GABRB2: variants seen among roughly 807,000 people sequenced by gnomAD.
The protein encoded by GABRB2 is gamma-aminobutyric acid receptor subunit beta-2.
GABRB2 carries 16 observed loss-of-function variants against 54.7 expected under a neutral mutation model. The observed-to-expected ratio is 0.29, with a 90% CI of 0.20 to 0.44. GABRB2 has a LOEUF of 0.44. Among genes scored for constraint, GABRB2 ranks in the 20% least tolerant of loss-of-function variants. The pLI is 1.00. For missense variants in GABRB2, 355 were observed against 644.0 expected (o/e 0.55, Z 4.86); for synonymous variants, 244 against 233.8 (o/e 1.04, Z -0.40).
chr5:161,468,566 A>G (rs1034269684), intron 3 of GABRB2, among the ~76,000 whole-genome samples: 1 of 151,928 alleles, frequency 6.6e-6, no homozygotes, highest in African/African-American at 2.4e-5. Flanking sequence ...CCTCATTTTT[A>G]TAATGTTCAC....
intron 5 of GABRB2, among the ~76,000 whole-genome samples, chr5:161,397,834 G>A (rs1756051456): frequency 6.6e-6 from 1 of 152,160 alleles, no homozygotes; most frequent in Non-Finnish European, 1.5e-5. Flanking sequence ...CATGACACCT[G>A]AGGATAGACT....
intron 3 of GABRB2, among the ~76,000 whole-genome samples, chr5:161,501,519 T>C (rs991934846): frequency 6.6e-6 from 1 of 152,226 alleles, no homozygotes; most frequent in Non-Finnish European, 1.5e-5. Flanking sequence ...GCTTTCATTT[T>C]TCAATGTTAT....
intron 3 of GABRB2, among the ~76,000 whole-genome samples, chr5:161,525,099 T>C (rs1444913033): frequency 6.6e-6 from 1 of 151,316 alleles, no homozygotes; most frequent in African/African-American, 2.4e-5. Context: ...TAGTCTCTCT[T>C]CTAGCTACTC....
chr5:161,420,430 TG>T (rs1756816758), intron 4 of GABRB2, among the ~76,000 whole-genome samples: 1 of 152,206 alleles, frequency 6.6e-6, no homozygotes, highest in Non-Finnish European at 1.5e-5. Flanking sequence ...ACCACCAAGT[TG>T]TGTATCCCTA....
In GABRB2 at chr5:161,402,958, A is replaced by T. The variant is rs560908838; in HGVS notation, c.541+8017T>A. The stretch of plus-strand genomic sequence containing the variant: ...TGTGGCCTGATCATTTGAATTTTTT[A>T]AAAAATCCCCAGCGATTTTATAATA... On this transcript the variant is annotated intron_variant, in intron 5 of 9. Transcript: ENST00000393959. 5.5e-5 allele frequency among the ~76,000 whole-genome samples: 8 copies of T among 144,176 alleles called. No homozygotes were observed. In the East Asian group the frequency reaches 1.7e-3, roughly 31 times the overall value. 94.6% of individuals were successfully genotyped at this position (144,176 alleles called of 152,430 possible). A position where few individuals can be genotyped will look rare whatever the true frequency, so the allele number is the denominator to read the frequency against.
rs754147365 is a variant in GABRB2 at position 161,545,345 on chromosome 5, T to C, written c.170-51A>G. The C allele has an allele frequency of 7.7e-6, 11 of 1,426,790 alleles. No individual in the cohort carries two copies. The Admixed American group carries it at 1.6e-4, about 21-fold the overall frequency. The allele number at this position is 1,426,790 out of a possible 1,614,324, so 88.4% of individuals were successfully genotyped here. On this transcript the variant is annotated intron_variant, in intron 2 of 9. Transcript: ENST00000393959. ...TGATTTCTTTGAACTTCATTCATTC[T>C]CAGCAAGAGTTATCCCTGAGCATAA...
chr5:161,449,626 T>C (rs1326917581), intron 4 of GABRB2, among the ~76,000 whole-genome samples: 1 of 152,182 alleles, frequency 6.6e-6, no homozygotes, highest in African/African-American at 2.4e-5. Flanking sequence ...CTTGAAACAA[T>C]GGAAGTCTCT....
At chr5:161,346,868 T>C (rs1042988354) in intron 5 of GABRB2, among the ~76,000 whole-genome samples, 1 of 152,114 alleles carries the variant, frequency 6.6e-6, no homozygotes, top group African/African-American at 2.4e-5. Flanking sequence ...CAGAGATCAT[T>C]CATTCTTTAA....
At chr5:161,481,939 A>G (rs758245150) in intron 3 of GABRB2, among the ~76,000 whole-genome samples, 3 of 152,010 alleles carry the variant, frequency 2.0e-5, no homozygotes, top group African/African-American at 4.8e-5. Context: ...ATACTTAGAA[A>G]CGGGAGGCCT....
At chr5:161,497,530 A>ATGTGTG (rs71587162) in intron 3 of GABRB2, among the ~76,000 whole-genome samples, 41,974 of 147,190 alleles carry the variant, frequency 0.29, 6,644 homozygotes, top group Admixed American at 0.45. Context: ...GTGTGTGTAT[A>ATGTGTG]TGTGTGTGTG....
chr5:161,496,691 T>A (rs1759259523), intron 3 of GABRB2, among the ~76,000 whole-genome samples: 1 of 152,100 alleles, frequency 6.6e-6, no homozygotes, highest in Non-Finnish European at 1.5e-5. Context: ...TTAAAACGTA[T>A]CTTAGGTATA....
intron 4 of GABRB2, among the ~76,000 whole-genome samples, chr5:161,423,780 C>T (rs1004988733): frequency 2.0e-5 from 3 of 152,066 alleles, no homozygotes; most frequent in Non-Finnish European, 4.4e-5. Flanking sequence ...AATGATTACT[C>T]TTAGTAAGAA....
intron 9 of GABRB2, among the ~76,000 whole-genome samples, chr5:161,310,981 C>T (rs754452520): frequency 7.9e-5 from 12 of 152,044 alleles, no homozygotes; most frequent in South Asian, 2.1e-4. Context: ...AAGATGGTCT[C>T]GATCTCCTCA....
intron 5 of GABRB2, among the ~76,000 whole-genome samples, chr5:161,383,152 C>T (rs1276502952): frequency 6.6e-6 from 1 of 152,130 alleles, no homozygotes; most frequent in Non-Finnish European, 1.5e-5. Flanking sequence ...TAATAATTAT[C>T]ATAATCAAAT....
At chr5:161,357,547 G>T (rs959461375) in intron 5 of GABRB2, among the ~76,000 whole-genome samples, 1 of 151,830 alleles carries the variant, frequency 6.6e-6, no homozygotes, top group Non-Finnish European at 1.5e-5. Context: ...ATATGATCTG[G>T]CCTGTGTGTT....
At chr5:161,491,206 T>C (rs2113352748) in intron 3 of GABRB2, among the ~76,000 whole-genome samples, 1 of 151,722 alleles carries the variant, frequency 6.6e-6, no homozygotes, top group Middle Eastern at 3.4e-3. Context: ...GTATGATGCA[T>C]GAGTTCCAGC....
intron 5 of GABRB2, among the ~76,000 whole-genome samples, chr5:161,353,001 G>A (rs529793415): frequency 3.9e-5 from 6 of 151,986 alleles, no homozygotes; most frequent in Admixed American, 3.9e-4. Context: ...CAATGATACT[G>A]CTTATATTTT....
intron 5 of GABRB2, among the ~76,000 whole-genome samples, chr5:161,382,976 G>A (rs763867131): frequency 2.6e-5 from 4 of 152,142 alleles, no homozygotes; most frequent in Non-Finnish European, 5.9e-5. Context: ...GACTTGGATG[G>A]ACATCAATAA....
intron 5 of GABRB2, among the ~76,000 whole-genome samples, chr5:161,348,367 A>G (rs909694173): frequency 2.6e-5 from 4 of 152,108 alleles, no homozygotes; most frequent in African/African-American, 7.2e-5. Context: ...ATTGCTATAA[A>G]TTTCTGTAAA....
Sources: gnomAD v4.1 joint callset for allele counts (sites outside exome capture counted in the v4.1 genomes callset) on GRCh38, gnomAD v4.1.1 for gene constraint, MANE v1.5 for transcripts, NCBI Gene and HGNC (gene_info 2026-07-23, HGNC 2026-07-21) for gene names.